TRIM10: variants seen among roughly 807,000 people sequenced by gnomAD.
TRIM10 encodes the protein tripartite motif-containing protein 10.
Under a neutral mutation model 40.0 loss-of-function variants are expected in TRIM10, and 42 were observed. The ratio of observed to expected loss-of-function variants is 1.05; its 90% CI spans 0.82 to 1.36. TRIM10 has a LOEUF of 1.36. TRIM10 is among the 40% of genes most tolerant of loss of function. The probability of loss-of-function intolerance (pLI) is 0.00; values close to 1 mark genes in which losing one functional copy is unlikely to be tolerated. For missense variants in TRIM10, 601 were observed against 608.3 expected (o/e 0.99, Z 0.13); for synonymous variants, 260 against 239.5 (o/e 1.09, Z -0.79).
At chr6:30,158,333 G>C in intron 3 of TRIM10, 66 bp downstream of exon 3, 1 of 1,389,062 alleles carries the variant, frequency 7.2e-7, no homozygotes, top group Non-Finnish European at 1.0e-6. Flanking sequence ...ACATGGCTTA[G>C]GCAAGACAAA....
rs1772793369 is a variant in TRIM10, at chr6:30,158,611, T to G, written c.544A>C (p.Arg182=). The part of the protein sequence containing the change: ...QVLLTQVSTK[R]QQVISEFAHL... ...GCGAACTCAGAAATCACCTGTTGTC[T>G]CTTGGTGGACACCTGAGTCTGAGGG... The change falls in exon 3 of 7, where the codon AGA becomes CGA. Residue 182 remains arginine, a synonymous_variant. Coordinates refer to ENST00000449742, the MANE Select transcript of TRIM10 (RefSeq NM_006778.4). 2.5e-6 allele frequency: 4 copies of G among 1,612,926 alleles called. No homozygotes were observed. Among genetic ancestry groups the G allele is most frequent in the Non-Finnish European group, 3.4e-6 (4 of 1,180,024 alleles).
At chr6:30,154,731 G>A in intron 6 of TRIM10, 1 of 702,670 alleles carries the variant, frequency 1.4e-6, no homozygotes, top group Non-Finnish European at 2.6e-6. Context: ...CTGCCTCAGA[G>A]GATGTGAAAG....
At position 30,154,409 on chromosome 6, in the gene TRIM10, A is replaced by G; in HGVS notation, c.1006T>C (p.Tyr336His). The G allele has an allele frequency of 1.2e-6, 2 of 1,612,948 alleles. No individual in the cohort carries two copies. Among genetic ancestry groups the G allele is most frequent in the East Asian group, 2.2e-5 (1 of 44,862 alleles). ...TTGTCTGGTGAGTTCTGCCATTTGT[A>G]GGAGAACTGAGCTCGCTGGTGGTCC... The part of the protein sequence containing the change: ...SEDHQRAQFS[Y>H]KWQNSPDNPQ... Residue 336 changes from tyrosine (Y) to histidine (H), a missense_variant, in exon 7 of 7, where the codon TAC becomes CAC. Coordinates refer to ENST00000449742, the MANE Select transcript of TRIM10 (RefSeq NM_006778.4).
chr6:30,154,705 G>A (rs1772365380), intron 6 of TRIM10: 6 of 720,304 alleles, frequency 8.3e-6, no homozygotes, highest in East Asian at 8.0e-5. Context: ...TTGCACACAG[G>A]TAAAGCCTGA....
rs995829243 is a variant in TRIM10 at position 30,158,484 on chromosome 6, A to G, written c.671T>C (p.Leu224Pro). ...AAACCGGCAGATCTCCCCAGCAACC[A>G]GCAAATCAAATTCATCCCGTTGCCT... ...ILRQRDEFDLLVAGEICRFSA... is the reference protein window; with the variant it reads ...ILRQRDEFDLPVAGEICRFSA... The change falls in exon 3 of 7, where the codon CTG (leucine) becomes CCG (proline). Residue 224 changes from leucine (L) to proline (P), a missense_variant. Transcript: ENST00000449742. The G allele has an allele frequency of 1.9e-6, 3 of 1,613,000 alleles. No homozygotes were observed. In the Admixed American group the frequency reaches 5.0e-5, roughly 27 times the overall value.
chr6:30,163,877 C>T, upstream of TRIM10: 1 of 1,613,052 alleles, frequency 6.2e-7, no homozygotes. Context: ...AGAGGAGGAG[C>T]AGGCAGAGAC....
chr6:30,160,815 T>C lies in TRIM10; in HGVS notation c.44A>G (p.Asn15Ser), dbSNP rs373992609. The C allele has an allele frequency of 1.7e-5, 27 of 1,613,608 alleles. No homozygotes were observed. In the African/African-American group the frequency reaches 2.9e-4, roughly 18 times the overall value. Residue 15 changes from asparagine (N) to serine (S), a missense_variant, in exon 1 of 7, where the codon AAC (asparagine) becomes AGC (serine). Asn to Ser is a conservative substitution (Grantham distance 46). Coordinates refer to ENST00000449742, the MANE Select transcript of TRIM10 (RefSeq NM_006778.4). ...ASVTSLADEV[N>S]CPICQGTLRE... ...CAGGGTACCCTGACAGATGGGGCAG[T>C]TGACTTCATCTGCCAGGCTGGTCAC... is the stretch of plus-strand genomic sequence containing the variant.
chr6:30,155,841 A>C, intron 5 of TRIM10, 82 bp from the exon 6 acceptor site: 6 of 1,329,352 alleles, frequency 4.5e-6, no homozygotes, highest in Non-Finnish European at 6.4e-6. Flanking sequence ...ACTGAGGCCA[A>C]GAAGAGGGAA....
chr6:30,154,188 C>T lies in TRIM10; in HGVS notation c.1227G>A (p.Trp409Ter). The T allele has an allele frequency of 6.2e-7, 1 of 1,612,084 alleles. No individual in the cohort carries two copies. Among genetic ancestry groups the T allele is most frequent in the South Asian group, 1.1e-5 (1 of 91,040 alleles). Reference sequence around the variant, plus strand: ...AGGAGCCCAGAGCCGAGACGAAGCCCCAAGCCAGCCTCACAGCCCACACCC... The same window carrying T: ...AGGAGCCCAGAGCCGAGACGAAGCCTCAAGCCAGCCTCACAGCCCACACCC... ...EEGVWAVRLA[W>*]GFVSALGSFP... The change falls in exon 7 of 7, where the codon TGG becomes TGA. Residue 409 changes from tryptophan (W) to a stop codon, truncating the protein, a stop_gained. Coordinates refer to ENST00000449742, the MANE Select transcript of TRIM10 (RefSeq NM_006778.4). LOFTEE classifies it high-confidence loss of function.
Position 30,156,035 on chromosome 6 carries a change from C to T in TRIM10, c.896-276G>A, listed in dbSNP as rs1315048817. Among the ~76,000 whole-genome samples, 3 of 152,320 alleles carry T rather than the reference C, an allele frequency of 2.0e-5. No homozygotes were observed. The East Asian group carries it at 5.8e-4, about 29-fold the overall frequency. Reference sequence around the variant, plus strand: ...CAGCTGCTGCTGCTGGTGGGAGCCCCACTGCCCTAGCCCTGATCAAACAGG... The same window carrying T: ...CAGCTGCTGCTGCTGGTGGGAGCCCTACTGCCCTAGCCCTGATCAAACAGG... On this transcript the variant is annotated intron_variant, in intron 5 of 6. Coordinates refer to ENST00000449742, the MANE Select transcript of TRIM10 (RefSeq NM_006778.4).
At position 30,160,473 on chromosome 6, in the gene TRIM10, G is replaced by A. The variant is rs528028575; in HGVS notation, c.386C>T (p.Thr129Ile). ...ATCCTCCAGGAAGCGCATGGTGTGG[G>A]TAGCGTGCTCCCCAGCCTCCCGGCA... The part of the protein sequence containing the change: ...VVCREAGEHA[T>I]HTMRFLEDAA... The change falls in exon 1 of 7, where the codon ACC becomes ATC. Residue 129 changes from threonine to isoleucine, a missense_variant. Thr to Ile is a moderately conservative substitution (Grantham distance 89, BLOSUM62 -1). Transcript: ENST00000449742. The A allele has an allele frequency of 6.2e-7, 1 of 1,614,114 alleles. No homozygotes were observed. The highest frequency in any genetic ancestry group is 2.2e-5 in the East Asian group (1 of 44,872).
intron 3 of TRIM10, 35 bp from the exon 4 acceptor site, chr6:30,157,426 G>A: frequency 6.3e-7 from 1 of 1,575,348 alleles, no homozygotes; most frequent in Non-Finnish European, 8.6e-7. Flanking sequence ...TCAGTTTCCA[G>A]CTTCTCCTTT....
chr6:30,163,683 T>C (rs1185577648), upstream of TRIM10: 1 of 1,599,482 alleles, frequency 6.3e-7, no homozygotes, highest in East Asian at 2.2e-5. Flanking sequence ...GAAGGCACCG[T>C]GATGCCCGCA....
upstream of TRIM10, chr6:30,163,554 T>TCTCTCTCTCTGTCTCTC (rs1562136650): frequency 3.1e-5 from 35 of 1,136,714 alleles, no homozygotes; most frequent in Non-Finnish European, 3.9e-5. Flanking sequence ...CTCTCTCTCT[T>TCTCTCTCTCTGTCTCTC]TCTCTCTCTC....
chr6:30,163,369 A>G, upstream of TRIM10: 3 of 465,600 alleles, frequency 6.4e-6, no homozygotes, highest in East Asian at 3.8e-5. Flanking sequence ...TCTCCACCCT[A>G]GGGACCAGAA....
upstream of TRIM10, among the ~76,000 whole-genome samples, chr6:30,161,860 T>C (rs1310151574): frequency 6.6e-6 from 1 of 152,254 alleles, no homozygotes; most frequent in African/African-American, 2.4e-5. Context: ...GTGAAAGTAA[T>C]TTTAATGATG....
chr6:30,160,964 C>T lies in TRIM10; in HGVS notation c.-106G>A, dbSNP rs1400689593. ...ACCCACACATGCACATGGCTGGACA[C>T]AGGCACATACTAAATATGCACCAGC... On this transcript the variant is annotated 5_prime_UTR_variant, in exon 1 of 7. It adds an upstream start codon to the 5' untranslated region. Transcript: ENST00000449742. The T allele has an allele frequency of 1.8e-6, 2 of 1,106,936 alleles. No individual in the cohort carries two copies. The highest frequency in any genetic ancestry group is 2.5e-6 in the Non-Finnish European group (2 of 795,076). 68.6% of individuals were successfully genotyped at this position (1,106,936 alleles called of 1,614,324 possible). A position where few individuals can be genotyped will look rare whatever the true frequency, so the allele number is the denominator to read the frequency against.
Position 30,154,076 on chromosome 6 carries a change from C to T in TRIM10, c.1339G>A (p.Ala447Thr), listed in dbSNP as rs750042618. 34 of 1,612,852 alleles carry T rather than the reference C, an allele frequency of 2.1e-5. No individual in the cohort carries two copies. Among genetic ancestry groups the T allele is most frequent in the Non-Finnish European group, 2.8e-5 (33 of 1,179,990 alleles). Residue 447 changes from alanine to threonine, a missense_variant, in exon 7 of 7, where the codon GCT (alanine) becomes ACT (threonine). Ala to Thr is a moderately conservative substitution (Grantham distance 58). Transcript: ENST00000449742. Reference sequence around the variant, plus strand: ...GTGTAGATGGGCTCTCGGGTGACAGCGTTGGTGAAGGTCACCCAGCCCACC... The same window carrying T: ...GTGTAGATGGGCTCTCGGGTGACAGTGTTGGTGAAGGTCACCCAGCCCACC... ...YEVGWVTFTN[A>T]VTREPIYTFT...
intron 5 of TRIM10, among the ~76,000 whole-genome samples, chr6:30,156,570 T>C (rs1772547998): frequency 6.6e-6 from 1 of 152,258 alleles, no homozygotes; most frequent in Non-Finnish European, 1.5e-5. Context: ...TGGCTATTAA[T>C]TAACAATGTT....
Sources: allele counts gnomAD v4.1 joint callset (sites outside exome capture counted in the v4.1 genomes callset), GRCh38; gene constraint gnomAD v4.1.1; transcripts MANE v1.5; gene names NCBI Gene and HGNC (gene_info 2026-07-23, HGNC 2026-07-21).